Variants in LRRC66 observed in about 807,000 individuals in gnomAD.
LRRC66 encodes leucine rich repeat containing 66.
Under a neutral mutation model 24.6 loss-of-function variants are expected in LRRC66, and 29 were observed. The ratio of observed to expected loss-of-function variants is 1.18; its 90% CI spans 0.88 to 1.61. The LOEUF is 1.61. LRRC66 is among the 40% of genes most tolerant of loss of function. The pLI is 0.00. For missense variants in LRRC66, 1,124 were observed against 1,058.0 expected, an observed-to-expected ratio of 1.06 and a Z score of -0.87; for synonymous variants, 411 against 397.6, an observed-to-expected ratio of 1.03 and a Z score of -0.40.
intron 1 of LRRC66, chr4:52,018,171 G>A: frequency 1.0e-6 from 1 of 985,346 alleles, no homozygotes; most frequent in Non-Finnish European, 1.2e-6. Flanking sequence ...TGTGGCTTGT[G>A]TGACTTTTCA....
intron 2 of LRRC66, among the ~76,000 whole-genome samples, chr4:52,004,900 T>G (rs1213318303): frequency 6.6e-6 from 1 of 152,200 alleles, no homozygotes; most frequent in Admixed American, 6.5e-5. Flanking sequence ...GCATAGAATC[T>G]TTACTCTTTA....
At chr4:52,019,747 A>G (rs879784285) in intron 1 of LRRC66, among the ~76,000 whole-genome samples, 8 of 152,232 alleles carry the variant, frequency 5.3e-5, no homozygotes, top group Non-Finnish European at 1.2e-4. Flanking sequence ...AAAATCAGCA[A>G]CAAAAAAATA....
chr4:52,001,710 C>T (rs532524947), intron 3 of LRRC66, among the ~76,000 whole-genome samples: 1 of 152,264 alleles, frequency 6.6e-6, no homozygotes, highest in South Asian at 2.1e-4. Flanking sequence ...GGTTTAAGCC[C>T]AGGCAGCTGG....
intron 2 of LRRC66, among the ~76,000 whole-genome samples, chr4:52,013,500 T>C (rs1302615312): frequency 1.3e-5 from 2 of 152,250 alleles, no homozygotes; most frequent in Non-Finnish European, 2.9e-5. Context: ...AACCAGAGAC[T>C]GATCCCATTG....
chr4:52,005,712 A>G (rs936617024), intron 2 of LRRC66, among the ~76,000 whole-genome samples: 2 of 151,354 alleles, frequency 1.3e-5, no homozygotes, highest in African/African-American at 2.4e-5. Flanking sequence ...AAATATTTCC[A>G]TATTGGTTTG....
At chr4:51,999,511 C>T (rs539285649) in intron 3 of LRRC66, among the ~76,000 whole-genome samples, 1 of 152,228 alleles carries the variant, frequency 6.6e-6, no homozygotes, top group South Asian at 2.1e-4. Flanking sequence ...AGAAAAAATA[C>T]TTAGCTTTAG....
intron 2 of LRRC66, among the ~76,000 whole-genome samples, chr4:52,013,575 T>C (rs2110202463): frequency 6.6e-6 from 1 of 152,334 alleles, no homozygotes; most frequent in African/African-American, 2.4e-5. Flanking sequence ...GGGAGGAAGG[T>C]AGAAGCATCA....
chr4:52,008,681 A>G (rs1182176102), intron 2 of LRRC66, among the ~76,000 whole-genome samples: 2 of 152,162 alleles, frequency 1.3e-5, no homozygotes, highest in African/African-American at 4.8e-5. Context: ...TTGAGTAAAA[A>G]TATATTTGAA....
At chr4:51,999,239 G>T (rs899011406) in intron 3 of LRRC66, among the ~76,000 whole-genome samples, 1 of 152,154 alleles carries the variant, frequency 6.6e-6, no homozygotes, top group Non-Finnish European at 1.5e-5. Flanking sequence ...ATCTAGAAAG[G>T]CTGAATGTTA....
At chr4:52,016,066 T>C (rs1736801848) in intron 2 of LRRC66, among the ~76,000 whole-genome samples, 2 of 152,210 alleles carry the variant, frequency 1.3e-5, no homozygotes, top group African/African-American at 4.8e-5. Flanking sequence ...TAAAATAAAA[T>C]GCAATTCATT....
At position 51,994,554 on chromosome 4, in the gene LRRC66, G is replaced by T. The variant is rs769129853; in HGVS notation, c.2468C>A (p.Thr823Asn). 6.2e-7 allele frequency: 1 copy of T among 1,614,190 alleles called. No individual in the cohort carries two copies. Among genetic ancestry groups the T allele is most frequent in the Non-Finnish European group, 8.5e-7 (1 of 1,180,030 alleles). ...PLGDEFPGMFTYDYDTALQSK... is the reference protein window; with the variant it reads ...PLGDEFPGMFNYDYDTALQSK... ...TTGAAGAGCTGTGTCATAATCATAA[G>T]TGAACATGCCCGGAAACTCATCCCC... Residue 823 changes from threonine to asparagine, a missense_variant, in exon 5 of 5, where the codon ACT becomes AAT. Physicochemically the swap from Thr to Asn is moderately conservative, Grantham distance 65 (BLOSUM62 0). Coordinates refer to ENST00000682860, the MANE Select transcript of LRRC66 (RefSeq NM_001024611.3).
chr4:52,009,233 C>T (rs1252958081), intron 2 of LRRC66, among the ~76,000 whole-genome samples: 1 of 152,032 alleles, frequency 6.6e-6, no homozygotes, highest in East Asian at 1.9e-4. Context: ...TGGGACGTAG[C>T]TAAAGCCATT....
At chr4:51,996,999 A>G (rs1736336184) in intron 4 of LRRC66, among the ~76,000 whole-genome samples, 1 of 152,200 alleles carries the variant, frequency 6.6e-6, no homozygotes, top group South Asian at 2.1e-4. Context: ...CTTCTCTCTG[A>G]TCTTCATGAA....
Position 51,995,181 on chromosome 4 carries a change from CA to C in LRRC66, c.1840del (p.Trp614GlyfsTer13). ...KERGGTEQSL[W>X]DSQMEFSKER... Reference sequence around the variant, plus strand: ...CTTAGAAAATTCCATCTGCGAGTCCCAAAGTGACTGTTCAGTGCCCCCTCTT... The same window carrying C: ...CTTAGAAAATTCCATCTGCGAGTCCCAAGTGACTGTTCAGTGCCCCCTCTT... On this transcript the variant is annotated frameshift_variant, in exon 5 of 5. Coordinates refer to ENST00000682860, the MANE Select transcript of LRRC66 (RefSeq NM_001024611.3). LOFTEE classifies it low-confidence loss of function (END_TRUNC). 1 of 1,614,218 alleles carries C rather than the reference CA, an allele frequency of 6.2e-7. No homozygotes were observed. Among genetic ancestry groups the C allele is most frequent in the Non-Finnish European group, 8.5e-7 (1 of 1,180,046 alleles).
At chr4:52,018,823 G>A (rs1335830438) in intron 1 of LRRC66, among the ~76,000 whole-genome samples, 2 of 152,186 alleles carry the variant, frequency 1.3e-5, no homozygotes, top group East Asian at 1.9e-4. Context: ...TATGCATATC[G>A]CATACTGAAA....
chr4:52,011,859 T>C (rs1181612825), intron 2 of LRRC66, among the ~76,000 whole-genome samples: 1 of 152,088 alleles, frequency 6.6e-6, no homozygotes, highest in Non-Finnish European at 1.5e-5. Flanking sequence ...AACAAACAAG[T>C]AAATAGTGTA....
intron 2 of LRRC66, among the ~76,000 whole-genome samples, chr4:52,009,892 G>T (rs1287686747): frequency 6.6e-6 from 1 of 151,958 alleles, no homozygotes; most frequent in Non-Finnish European, 1.5e-5. Context: ...TATAGCAAAA[G>T]AAAATAATAA....
At chr4:52,002,323 G>T (rs1736471746) in intron 3 of LRRC66, among the ~76,000 whole-genome samples, 1 of 152,140 alleles carries the variant, frequency 6.6e-6, no homozygotes, top group African/African-American at 2.4e-5. Flanking sequence ...ATTGAATGAT[G>T]CTGGCCTATA....
chr4:51,994,555 T>G lies in LRRC66; in HGVS notation c.2467A>C (p.Thr823Pro). 6.2e-7 allele frequency: 1 copy of G among 1,614,158 alleles called. No homozygotes were observed. Among genetic ancestry groups the G allele is most frequent in the Non-Finnish European group, 8.5e-7 (1 of 1,180,012 alleles). The change falls in exon 5 of 5, where the codon ACT (threonine) becomes CCT (proline). Residue 823 changes from threonine (T) to proline (P), a missense_variant. By Grantham distance (38) the Thr-to-Pro change is conservative. Coordinates refer to ENST00000682860, the MANE Select transcript of LRRC66 (RefSeq NM_001024611.3). The part of the protein sequence containing the change: ...PLGDEFPGMF[T>P]YDYDTALQSK... The stretch of plus-strand genomic sequence containing the variant: ...TGAAGAGCTGTGTCATAATCATAAG[T>G]GAACATGCCCGGAAACTCATCCCCT...
Sources: gnomAD v4.1 joint callset for allele counts (sites outside exome capture counted in the v4.1 genomes callset) on GRCh38, gnomAD v4.1.1 for gene constraint, MANE v1.5 for transcripts, NCBI Gene and HGNC (gene_info 2026-07-23, HGNC 2026-07-21) for gene names.